Variants in DSC3 observed in about 807,000 individuals in gnomAD.
The protein encoded by DSC3 is desmocollin 3, also known as desmocollin-3.
In DSC3, 97 loss-of-function variants were observed where a neutral mutation model predicts 89.5. The observed-to-expected ratio is 1.08, with a 90% CI of 0.92 to 1.28. The LOEUF (loss-of-function observed/expected upper bound fraction) is 1.28, where lower values mean the gene tolerates loss of function less well. Among genes scored for constraint, DSC3 ranks in the 50% most tolerant of loss-of-function variants. DSC3 has a pLI of 0.00. For synonymous variants in DSC3, 436 were observed against 384.1 expected, an observed-to-expected ratio of 1.14 and a Z score of -1.58; for missense variants, 1,199 against 1,085.3, an observed-to-expected ratio of 1.10 and a Z score of -1.47.
At chr18:31,038,066 CAT>C (rs1278453214) in intron 1 of DSC3, among the ~76,000 whole-genome samples, 1 of 151,998 alleles carries the variant, frequency 6.6e-6, no homozygotes, top group African/African-American at 2.4e-5. Context: ...TATGTGAACC[CAT>C]GTTTCCTTTC....
Position 30,990,879 on chromosome 18 carries a change from T to C in DSC3, c.*3296A>G, listed in dbSNP as rs189329486. ...GTAAAGCTGTGCTTCAAAATAGTGA[T>C]CTCTTCCCAACATTACAATATATAT... On this transcript the variant is annotated 3_prime_UTR_variant, in exon 16 of 16. Transcript: ENST00000360428. 7.2e-5 allele frequency: 11 copies of C among 152,302 alleles called. No individual in the cohort carries two copies. The highest frequency in any genetic ancestry group is 1.0e-4 in the Non-Finnish European group (7 of 68,030). The allele number at this position is 152,302 out of a possible 1,614,324, so 9.4% of individuals were successfully genotyped here. A position where few individuals can be genotyped will look rare whatever the true frequency, so the allele number is the denominator to read the frequency against.
At chr18:30,998,551 G>T (rs538446427) in intron 14 of DSC3, among the ~76,000 whole-genome samples, 2 of 152,180 alleles carry the variant, frequency 1.3e-5, no homozygotes, top group South Asian at 4.1e-4. Flanking sequence ...ATAGGTGATA[G>T]TTGAGGCCAT....
rs1033188745 is a variant in DSC3, at chr18:31,022,403, G to C, written c.875C>G (p.Pro292Arg). The part of the protein sequence containing the change: ...YSILQQTPRS[P>R]GLFSVHPSTG... ...GCTGGGATGCACAGAAAAGAGCCCA[G>C]GTGACCTTGGTGTCTGCTGCAAAAT... The change falls in exon 7 of 16, where the codon CCT becomes CGT. Residue 292 changes from proline to arginine, a missense_variant. Physicochemically the swap from Pro to Arg is moderately radical, Grantham distance 103. Transcript: ENST00000360428. 5 of 1,613,942 alleles carry C rather than the reference G, an allele frequency of 3.1e-6. No homozygotes were observed. Among genetic ancestry groups the C allele is most frequent in the South Asian group, 1.1e-5 (1 of 91,090 alleles).
intron 4 of DSC3, among the ~76,000 whole-genome samples, chr18:31,027,173 A>T (rs969607022): frequency 6.6e-6 from 1 of 152,118 alleles, no homozygotes; most frequent in East Asian, 1.9e-4. Flanking sequence ...TTCCTTCTAC[A>T]GTGTCCTCTC....
chr18:31,014,310 A>G (rs984999734), intron 9 of DSC3, among the ~76,000 whole-genome samples: 1 of 152,094 alleles, frequency 6.6e-6, no homozygotes, highest in Non-Finnish European at 1.5e-5. Context: ...TTTAAAAAAG[A>G]AACATGATAA....
chr18:31,019,563 T>C (rs1985351294), intron 7 of DSC3, among the ~76,000 whole-genome samples: 1 of 152,024 alleles, frequency 6.6e-6, no homozygotes, highest in South Asian at 2.1e-4. Flanking sequence ...GAGGCCAACA[T>C]AGAAGGATCG....
In DSC3 at chr18:30,994,045, T is replaced by C. The variant is rs1054231098; in HGVS notation, c.*130A>G. 3.4e-6 allele frequency: 3 copies of C among 895,246 alleles called. No individual in the cohort carries two copies. The highest frequency in any genetic ancestry group is 3.4e-5 in the African/African-American group (2 of 59,284). The allele number at this position is 895,246 out of a possible 1,614,324, so 55.5% of individuals were successfully genotyped here. ...CAACAACTTGCTTTAAAAATATAAA[T>C]TGGTGAGTAGCATAATTCAAAATTG... On this transcript the variant is annotated 3_prime_UTR_variant, in exon 16 of 16. Coordinates refer to ENST00000360428, the MANE Select transcript of DSC3 (RefSeq NM_001941.5).
chr18:31,018,122 G>C lies in DSC3; in HGVS notation c.1212C>G (p.Phe404Leu), dbSNP rs1316681993. The change falls in exon 9 of 16, where the codon TTC (phenylalanine) becomes TTG (leucine). Residue 404 changes from phenylalanine to leucine, a missense_variant. By Grantham distance (22) the Phe-to-Leu change is conservative (BLOSUM62 0). Transcript: ENST00000360428. ...TAGTTTCTTTGTCTGTGCTGATTTT[G>C]AAATGTCCATTTTCATTTCCCTTTA... ...TILKGNENGH[F>L]KISTDKETNE... 6.2e-7 allele frequency: 1 copy of C among 1,612,700 alleles called. No individual in the cohort carries two copies.
At chr18:31,037,801 G>A (rs374627198) in intron 1 of DSC3, among the ~76,000 whole-genome samples, 56 of 152,180 alleles carry the variant, frequency 3.7e-4, no homozygotes, top group African/African-American at 1.3e-3. Context: ...TCAGGAAGCT[G>A]AGGCAGGAGA....
chr18:31,004,814 C>G (rs549744982), intron 12 of DSC3, among the ~76,000 whole-genome samples: 1 of 152,162 alleles, frequency 6.6e-6, no homozygotes, highest in Non-Finnish European at 1.5e-5. Context: ...AGATTGTTTA[C>G]GATTAACACC....
chr18:31,010,013 A>G (rs1361532242), intron 9 of DSC3, among the ~76,000 whole-genome samples: 1 of 152,236 alleles, frequency 6.6e-6, no homozygotes, highest in African/African-American at 2.4e-5. Context: ...TATAAAGTTG[A>G]AGCACTTTTT....
chr18:31,028,694 AG>A (rs1039219713), intron 4 of DSC3, among the ~76,000 whole-genome samples: 24 of 152,124 alleles, frequency 1.6e-4, no homozygotes, highest in African/African-American at 5.8e-4. Context: ...GGCAAGCAAA[AG>A]GCCATAGCCC....
chr18:31,011,107 T>C (rs980106365), intron 9 of DSC3, among the ~76,000 whole-genome samples: 1 of 152,188 alleles, frequency 6.6e-6, no homozygotes, highest in Admixed American at 6.5e-5. Flanking sequence ...TGACAGCGTA[T>C]AGTTAGAGTC....
rs192755210 is a variant in DSC3, at chr18:31,010,113, C to T, written c.1264-1588G>A. Among the ~76,000 whole-genome samples, 126 of 152,314 alleles carry T rather than the reference C, an allele frequency of 8.3e-4. 1 individual carries two copies. Among genetic ancestry groups the T allele is most frequent in the African/African-American group, 2.9e-3 (121 of 41,570 alleles). On this transcript the variant is annotated intron_variant, in intron 9 of 15. Transcript: ENST00000360428. ...GTGAATAAAATTATTTTAAATCTTT[C>T]TCCACACCTAGGTATTAACAGAGTA...
intron 9 of DSC3, among the ~76,000 whole-genome samples, chr18:31,014,589 A>C (rs1985174086): frequency 1.3e-5 from 2 of 152,192 alleles, no homozygotes; most frequent in Non-Finnish European, 2.9e-5. Context: ...CATTTAAAAC[A>C]ATTAAATGAG....
At position 31,004,156 on chromosome 18, in the gene DSC3, A is replaced by G. The variant is rs756341022; in HGVS notation, c.2099T>C (p.Ile700Thr). The G allele has an allele frequency of 3.7e-6, 6 of 1,611,830 alleles. No individual in the cohort carries two copies. In the African/African-American group the frequency reaches 6.7e-5, roughly 18 times the overall value. The change falls in exon 13 of 16, where the codon ATA (isoleucine) becomes ACA (threonine). Residue 700 changes from isoleucine to threonine, a missense_variant. By Grantham distance (89) the Ile-to-Thr change is moderately conservative (BLOSUM62 -1). Coordinates refer to ENST00000360428, the MANE Select transcript of DSC3 (RefSeq NM_001941.5). ...KWAILAILLG[I>T]ALLFSVLLTL... ...AAAATACTTACAAAAGAGCAGTGCTATACCCAGTAATATTGCAAGGATTGC... is the reference window on the plus strand; with the variant it reads ...AAAATACTTACAAAAGAGCAGTGCTGTACCCAGTAATATTGCAAGGATTGC...
chr18:31,017,945 GTTTAAATAGAT>G lies in DSC3; in HGVS notation c.1263+115_1263+125del, dbSNP rs1330181253. The stretch of plus-strand genomic sequence containing the variant: ...ACACAGGCATGAGATTGGAATAGTG[GTTTAAATAGAT>G]TTTAAATTTTCTTCCAACTTGTAGA... On this transcript the variant is annotated intron_variant, in intron 9 of 15. Coordinates refer to ENST00000360428, the MANE Select transcript of DSC3 (RefSeq NM_001941.5). 20 of 752,120 alleles carry G rather than the reference GTTTAAATAGAT, an allele frequency of 2.7e-5. No individual in the cohort carries two copies. The African/African-American group carries it at 2.8e-4, about 11-fold the overall frequency. The allele number at this position is 752,120 out of a possible 1,614,324, so 46.6% of individuals were successfully genotyped here. A position where few individuals can be genotyped will look rare whatever the true frequency, so the allele number is the denominator to read the frequency against.
Position 30,996,232 on chromosome 18 carries a change from C to T in DSC3, c.2493+559G>A, listed in dbSNP as rs367975587. Among the ~76,000 whole-genome samples, 35 of 152,048 alleles carry T rather than the reference C, an allele frequency of 2.3e-4. No homozygotes were observed. The East Asian group carries it at 5.2e-3, about 23-fold the overall frequency. ...AAGTACATTTCAAATGTTCTCACCA[C>T]AAAAAATAAGTATTTGAGGTGATGC... On this transcript the variant is annotated intron_variant, in intron 15 of 15. Transcript: ENST00000360428.
In DSC3 at chr18:31,036,570, T is replaced by C. The variant is rs1985974924; in HGVS notation, c.70-4294A>G. On this transcript the variant is annotated intron_variant, in intron 1 of 15. Transcript: ENST00000360428. ...AGTTCCCCATTGCTCAATCTTTTTT[T>C]TTAAAGTAGTATTTTTGCTCTTTTT... Among the ~76,000 whole-genome samples, 2 of 152,100 alleles carry C rather than the reference T, an allele frequency of 1.3e-5. 1 individual carries two copies. Among genetic ancestry groups the C allele is most frequent in the South Asian group, 4.1e-4 (2 of 4,832 alleles).
Sources: gnomAD v4.1 joint callset for allele counts (sites outside exome capture counted in the v4.1 genomes callset) on GRCh38, gnomAD v4.1.1 for gene constraint, MANE v1.5 for transcripts, NCBI Gene and HGNC (gene_info 2026-07-23, HGNC 2026-07-21) for gene names.